TCTN2: variants seen among roughly 807,000 people sequenced by gnomAD.
TCTN2 encodes the protein tectonic family member 2, also known as tectonic-2.
A neutral mutation model predicts 83.4 loss-of-function variants in TCTN2; 66 were observed. The ratio of observed to expected loss-of-function variants is 0.79; its 90% CI spans 0.65 to 0.97. TCTN2 has a LOEUF of 0.97. Among genes scored for constraint, TCTN2 ranks in the 50% least tolerant of loss-of-function variants. TCTN2 has a pLI of 0.00. For synonymous variants in TCTN2, 301 were observed against 326.7 expected, an observed-to-expected ratio of 0.92 and a Z score of 0.85; for missense variants, 794 against 858.1, an observed-to-expected ratio of 0.93 and a Z score of 0.93.
intron 14 of TCTN2, 134 bp from the exon 15 acceptor site, chr12:123,704,398 T>C (rs1280881198): frequency 8.0e-6 from 7 of 874,236 alleles, no homozygotes; most frequent in Non-Finnish European, 1.3e-5. Flanking sequence ...GACAAGTAAC[T>C]AGAGCCTGTA....
chr12:123,671,628 C>T lies in TCTN2; in HGVS notation c.190+14C>T, dbSNP rs1251566473. On this transcript the variant is annotated intron_variant, in intron 2 of 17. Coordinates refer to ENST00000303372, the MANE Select transcript of TCTN2 (RefSeq NM_024809.5). Reference sequence around the variant, plus strand: ...AGGACGAGGCGGGTAAAGTCCGGCCCTCTTTTGGGGAGGGTGGGGGTTGGA... The same window carrying T: ...AGGACGAGGCGGGTAAAGTCCGGCCTTCTTTTGGGGAGGGTGGGGGTTGGA... The T allele has an allele frequency of 3.1e-6, 5 of 1,606,452 alleles. No individual in the cohort carries two copies. The highest frequency in any genetic ancestry group is 1.3e-5 in the African/African-American group (1 of 74,848).
At chr12:123,673,442 T>G (rs1278024349) in intron 3 of TCTN2, among the ~76,000 whole-genome samples, 173 bp from the exon 4 acceptor site, 1 of 152,218 alleles carries the variant, frequency 6.6e-6, no homozygotes, top group Admixed American at 6.5e-5. Context: ...AGGGCTTGCA[T>G]GTTACCATAG....
At chr12:123,672,821 A>G (rs548760997) in intron 3 of TCTN2, among the ~76,000 whole-genome samples, 4 of 152,208 alleles carry the variant, frequency 2.6e-5, no homozygotes, top group Non-Finnish European at 5.9e-5. Flanking sequence ...GAGGCCGAGG[A>G]GGGCGGATCA....
At chr12:123,690,950 C>T (rs536239080) in intron 8 of TCTN2, among the ~76,000 whole-genome samples, 3 of 152,032 alleles carry the variant, frequency 2.0e-5, no homozygotes, top group Admixed American at 1.3e-4. Flanking sequence ...CTCACTGTAC[C>T]CTCTGCCTCC....
Position 123,690,648 on chromosome 12 carries a change from C to T in TCTN2, c.1007C>T (p.Ala336Val), listed in dbSNP as rs747135310. 3.0e-5 allele frequency: 48 copies of T among 1,613,754 alleles called. No homozygotes were observed. Among genetic ancestry groups the T allele is most frequent in the East Asian group, 2.0e-4 (9 of 44,892 alleles). The change falls in exon 8 of 18, where the codon GCG (alanine) becomes GTG (valine). Residue 336 changes from alanine (A) to valine (V), a missense_variant. Coordinates refer to ENST00000303372, the MANE Select transcript of TCTN2 (RefSeq NM_024809.5). Reference protein sequence around the residue: ...LYQERDGIINAKIKNVALGGI... With the variant: ...LYQERDGIINVKIKNVALGGI... ...CAAGAACGAGATGGTATTATCAATG[C>T]GAAGATAAAGAATGTTGCCTTAGGA...
chr12:123,693,933 T>G (rs928962161), intron 9 of TCTN2, among the ~76,000 whole-genome samples: 3 of 151,886 alleles, frequency 2.0e-5, no homozygotes, highest in African/African-American at 7.2e-5. Context: ...TTCTCATGCC[T>G]TAGCCTCCTG....
At chr12:123,693,856 C>A (rs987669833) in intron 9 of TCTN2, among the ~76,000 whole-genome samples, 3 of 151,130 alleles carry the variant, frequency 2.0e-5, no homozygotes, top group Non-Finnish European at 4.4e-5. Flanking sequence ...CTTGCTCTGT[C>A]GCCCAGGCTG....
In TCTN2 at chr12:123,671,251, A is replaced by G. The variant is rs1955745421; in HGVS notation, c.11A>G (p.Gln4Arg). The G allele has an allele frequency of 6.2e-7, 1 of 1,613,202 alleles. No homozygotes were observed. Among genetic ancestry groups the G allele is most frequent in the Non-Finnish European group, 8.5e-7 (1 of 1,179,802 alleles). The part of the protein sequence containing the change: MGF[Q>R]PPAALLLRLF... ...CGCGAGGTCTAAGGCATGGGCTTCC[A>G]GCCTCCGGCCGCTCTTCTTTTGAGG... The change falls in exon 1 of 18, where the codon CAG becomes CGG. Residue 4 changes from glutamine (Q) to arginine (R), a missense_variant. Transcript: ENST00000303372.
chr12:123,692,335 G>A (rs1349447367), intron 8 of TCTN2, among the ~76,000 whole-genome samples: 2 of 152,206 alleles, frequency 1.3e-5, no homozygotes, highest in Admixed American at 1.3e-4. Context: ...GTGAGCCCCT[G>A]CGCCTGGCCA....
In TCTN2 at chr12:123,699,677, G is replaced by A. The variant is rs376610457; in HGVS notation, c.1506-27G>A. 4.9e-5 allele frequency: 77 copies of A among 1,571,700 alleles called. 2 individuals are homozygous for A. In the South Asian group the frequency reaches 8.1e-4, roughly 17 times the overall value. On this transcript the variant is annotated intron_variant, in intron 13 of 17. Coordinates refer to ENST00000303372, the MANE Select transcript of TCTN2 (RefSeq NM_024809.5). ...TTAGGACAAGACCTGCTGGCCATGAGCTGAGAAATGTCTTACTCTCTTGCA... is the reference window on the plus strand; with the variant it reads ...TTAGGACAAGACCTGCTGGCCATGAACTGAGAAATGTCTTACTCTCTTGCA...
intron 14 of TCTN2, among the ~76,000 whole-genome samples, chr12:123,700,394 C>T (rs1956158395): frequency 1.3e-5 from 2 of 152,080 alleles, no homozygotes; most frequent in African/African-American, 4.8e-5. Context: ...TTTGGGAGGT[C>T]AATGCAAGAG....
At chr12:123,683,514 C>T (rs376304886) in intron 5 of TCTN2, among the ~76,000 whole-genome samples, 2 of 151,958 alleles carry the variant, frequency 1.3e-5, no homozygotes, top group African/African-American at 4.8e-5. Flanking sequence ...CTCCTGGCCT[C>T]AAGTGATCTG....
At chr12:123,673,465 G>A (rs1318287809) in intron 3 of TCTN2, 150 bp from the exon 4 acceptor site, 1 of 763,210 alleles carries the variant, frequency 1.3e-6, no homozygotes, top group African/African-American at 1.7e-5. Context: ...TTATGGGGGG[G>A]AACTGAAGAT....
At position 123,686,858 on chromosome 12, in the gene TCTN2, C is replaced by T. The variant is rs761087301; in HGVS notation, c.587C>T (p.Thr196Met). 8.7e-6 allele frequency: 14 copies of T among 1,614,210 alleles called. No individual in the cohort carries two copies. The highest frequency in any genetic ancestry group is 2.7e-5 in the African/African-American group (2 of 75,050). The change falls in exon 6 of 18, where the codon ACG becomes ATG. Residue 196 changes from threonine (T) to methionine (M), a missense_variant. Thr to Met is a moderately conservative substitution (Grantham distance 81). Coordinates refer to ENST00000303372, the MANE Select transcript of TCTN2 (RefSeq NM_024809.5). ...CDQECSSNLT[T>M]LFRRSCFTGV... ...CAGGAATGCTCATCAAATTTAACAA[C>T]GCTGTTCAGACGGTCCTGCTTCACC...
At position 123,686,802 on chromosome 12, in the gene TCTN2, G is replaced by A. The variant is rs549950183; in HGVS notation, c.565-34G>A. 14 of 1,610,966 alleles carry A rather than the reference G, an allele frequency of 8.7e-6. No homozygotes were observed. In the South Asian group the frequency reaches 1.1e-4, roughly 13 times the overall value. ...ACGCTTGCCAGGAGATCCTGACCAC[G>A]GTCACAGCTCCTGCCTTTATGTTTG... On this transcript the variant is annotated intron_variant, in intron 5 of 17. Transcript: ENST00000303372.
At position 123,703,392 on chromosome 12, in the gene TCTN2, G is replaced by C. The variant is rs559405303; in HGVS notation, c.1613-1140G>C. ...AGACAGGGTTTCACCATGTTGGCCA[G>C]GCTGGTCTCGAACTCCTGACCTCAG... is the stretch of plus-strand genomic sequence containing the variant. On this transcript the variant is annotated intron_variant, in intron 14 of 17. Transcript: ENST00000303372. Among the ~76,000 whole-genome samples the C allele has an allele frequency of 7.2e-5, 11 of 152,164 alleles. No homozygotes were observed. The East Asian group carries it at 1.9e-3, about 27-fold the overall frequency.
intron 4 of TCTN2, among the ~76,000 whole-genome samples, chr12:123,677,934 G>A (rs996882780): frequency 1.3e-5 from 2 of 152,074 alleles, no homozygotes; most frequent in Admixed American, 6.6e-5. Flanking sequence ...CTGGCTACCT[G>A]TACAAACTCT....
rs755776525 is a variant in TCTN2 at position 123,671,222 on chromosome 12, G to C, written c.-19G>C. ...ATGAGGGCGCGGTTCTGCTGTGCCC[G>C]GCCCGCGAGGTCTAAGGCATGGGCT... is the stretch of plus-strand genomic sequence containing the variant. On this transcript the variant is annotated 5_prime_UTR_variant, in exon 1 of 18. Coordinates refer to ENST00000303372, the MANE Select transcript of TCTN2 (RefSeq NM_024809.5). The C allele has an allele frequency of 6.2e-7, 1 of 1,608,382 alleles. No individual in the cohort carries two copies. Among genetic ancestry groups the C allele is most frequent in the Admixed American group, 1.7e-5 (1 of 59,394 alleles).
At chr12:123,676,831 A>G (rs574265782) in intron 4 of TCTN2, among the ~76,000 whole-genome samples, 1 of 152,176 alleles carries the variant, frequency 6.6e-6, no homozygotes, top group East Asian at 1.9e-4. Context: ...AACATAAATC[A>G]ACACACAAAC....
Sources: gnomAD v4.1 joint callset for allele counts (sites outside exome capture counted in the v4.1 genomes callset) on GRCh38, gnomAD v4.1.1 for gene constraint, MANE v1.5 for transcripts, NCBI Gene and HGNC (gene_info 2026-07-23, HGNC 2026-07-21) for gene names.